SP6: variants seen among roughly 807,000 people sequenced by gnomAD.
SP6 encodes transcription factor Sp6.
SP6 carries 10 observed loss-of-function variants against 23.4 expected under a neutral mutation model. The ratio of observed to expected loss-of-function variants is 0.43; its 90% CI spans 0.26 to 0.72. The LOEUF (loss-of-function observed/expected upper bound fraction) is 0.72, where lower values mean the gene tolerates loss of function less well. Ranked by LOEUF, SP6 falls within the 30% of genes least tolerant of loss-of-function variation. The pLI is 0.23. For missense variants in SP6, 482 were observed against 523.8 expected, an observed-to-expected ratio of 0.92 and a Z score of 0.78; for synonymous variants, 238 against 238.7, an observed-to-expected ratio of 1.00 and a Z score of 0.03.
chr17:47,872,465 G>T, the SP6 span, among the ~76,000 whole-genome samples: 1 of 152,228 alleles, frequency 6.6e-6, no homozygotes, highest in Non-Finnish European at 1.5e-5. Context: ...GGCCGGGCGG[G>T]GGTGAGTAAG....
upstream of SP6, among the ~76,000 whole-genome samples, chr17:47,852,490 G>T (rs1207514935): frequency 2.0e-5 from 3 of 152,032 alleles, no homozygotes; most frequent in African/African-American, 7.3e-5. Flanking sequence ...CGTCTCCTCT[G>T]TGCGCTTTGC....
At position 47,846,571 on chromosome 17, in the gene SP6, C is replaced by A; in HGVS notation, c.*728G>T. ...TTAGAAGAGGACTTCCCTACTCGCCCCCTCCATCTATCTCGGTCCTTTATC... is the reference window on the plus strand; with the variant it reads ...TTAGAAGAGGACTTCCCTACTCGCCACCTCCATCTATCTCGGTCCTTTATC... On this transcript the variant is annotated 3_prime_UTR_variant, in exon 2 of 2. Transcript: ENST00000536300. The A allele has an allele frequency of 6.6e-6, 1 of 152,348 alleles. No homozygotes were observed. Among genetic ancestry groups the A allele is most frequent in the Non-Finnish European group, 1.5e-5 (1 of 68,032 alleles). 9.4% of individuals were successfully genotyped at this position (152,348 alleles called of 1,614,324 possible).
chr17:47,851,923 C>A (rs1184757972), upstream of SP6, among the ~76,000 whole-genome samples: 1 of 151,826 alleles, frequency 6.6e-6, no homozygotes, highest in African/African-American at 2.4e-5. Context: ...GCAGCTGTCA[C>A]TCTGCCCCTC....
the SP6 span, among the ~76,000 whole-genome samples, chr17:47,873,986 C>T: frequency 1.3e-5 from 2 of 149,142 alleles, no homozygotes; most frequent in East Asian, 2.0e-4. Context: ...CTTCTTCTTC[C>T]TCTTCCTCTT....
upstream of SP6, among the ~76,000 whole-genome samples, chr17:47,856,664 C>G (rs931633924): frequency 6.6e-6 from 1 of 152,158 alleles, no homozygotes; most frequent in Admixed American, 6.5e-5. Context: ...GGAGATGAAA[C>G]AGAAGAGTAA....
chr17:47,870,584 T>A, the SP6 span, among the ~76,000 whole-genome samples: 1 of 152,186 alleles, frequency 6.6e-6, no homozygotes, highest in Non-Finnish European at 1.5e-5. Context: ...AAGACTGACC[T>A]GTCTGGAGAC....
At chr17:47,851,707 AC>A (rs991181903), upstream of SP6, among the ~76,000 whole-genome samples, 6 of 75,494 alleles carry the variant, frequency 7.9e-5, no homozygotes, top group African/African-American at 3.1e-4. Context: ...CATTCCCCCG[AC>A]CCCCGACCCC....
upstream of SP6, among the ~76,000 whole-genome samples, chr17:47,852,892 C>A (rs1011672427): frequency 7.2e-5 from 11 of 152,152 alleles, no homozygotes; most frequent in Non-Finnish European, 1.2e-4. Flanking sequence ...GCCCAAGGGG[C>A]CCCTGGTAAG....
At chr17:47,860,387 G>T (rs2034026951), upstream of SP6, among the ~76,000 whole-genome samples, 1 of 152,198 alleles carries the variant, frequency 6.6e-6, no homozygotes, top group South Asian at 2.1e-4. Context: ...TTAGCTGTGT[G>T]CATGTGTAAG....
chr17:47,847,367 CGCCGGCCTTGCCCT>C lies in SP6; in HGVS notation c.1049_1062del (p.Glu350GlyfsTer84). On this transcript the variant is annotated frameshift_variant, in exon 2 of 2. Coordinates refer to ENST00000536300, the MANE Select transcript of SP6 (RefSeq NM_001258248.2). LOFTEE classifies it high-confidence loss of function. ...TTGCCCCCGGGGGGCTCCACTGCGC[CGCCGGCCTTGCCCT>C]CTCCCGAGGCCGCCCCAGCCGCCTC... 1 of 1,608,534 alleles carries C rather than the reference CGCCGGCCTTGCCCT, an allele frequency of 6.2e-7. No homozygotes were observed. Among genetic ancestry groups the C allele is most frequent in the Non-Finnish European group, 8.5e-7 (1 of 1,177,622 alleles).
chr17:47,856,122 G>T (rs368253232), upstream of SP6, among the ~76,000 whole-genome samples: 1 of 152,134 alleles, frequency 6.6e-6, no homozygotes, highest in East Asian at 1.9e-4. Context: ...GACCTGAAGG[G>T]CTCATGCCCC....
the SP6 span, among the ~76,000 whole-genome samples, chr17:47,863,690 T>A: frequency 6.7e-6 from 1 of 148,956 alleles, no homozygotes; most frequent in Non-Finnish European, 1.5e-5. Flanking sequence ...TGCCTCAGCC[T>A]CCCAAGTAGC....
the SP6 span, among the ~76,000 whole-genome samples, chr17:47,862,280 G>C: frequency 6.7e-6 from 1 of 149,828 alleles, no homozygotes; most frequent in African/African-American, 2.5e-5. Flanking sequence ...GGAGGCAGAG[G>C]TTGCAATGAA....
Position 47,847,358 on chromosome 17 carries a change from C to G in SP6, c.1072G>C (p.Glu358Gln). 6.2e-7 allele frequency: 1 copy of G among 1,605,234 alleles called. No individual in the cohort carries two copies. The highest frequency in any genetic ancestry group is 8.5e-7 in the Non-Finnish European group (1 of 1,176,152). ...CGTTTGCCTTTGCCCCCGGGGGGCT[C>G]CACTGCGCCGCCGGCCTTGCCCTCT... ...SGEGKAGGAV[E>Q]PPGGKGKREA... Residue 358 changes from glutamate (E) to glutamine (Q), a missense_variant, in exon 2 of 2, where the codon GAG becomes CAG. Coordinates refer to ENST00000536300, the MANE Select transcript of SP6 (RefSeq NM_001258248.2).
Position 47,848,050 on chromosome 17 carries a change from G to A in SP6, c.380C>T (p.Thr127Ile), listed in dbSNP as rs369373943. ...DGSWWDLHPG[T>I]SWMDLPHTQG... Reference sequence around the variant, plus strand: ...AGTGTGGGGGAGGTCCATCCAGCTGGTGCCCGGATGAAGGTCCCACCACGA... The same window carrying A: ...AGTGTGGGGGAGGTCCATCCAGCTGATGCCCGGATGAAGGTCCCACCACGA... Residue 127 changes from threonine (T) to isoleucine (I), a missense_variant, in exon 2 of 2, where the codon ACC (threonine) becomes ATC (isoleucine). Around this residue, in one of 3 missense-constraint regions of SP6, gnomAD observed 330 missense variants for 332.3 expected, o/e 0.99. Coordinates refer to ENST00000536300, the MANE Select transcript of SP6 (RefSeq NM_001258248.2). This position sits in a 1 kb window ranked among gnomAD's most constrained non-coding sequence, Gnocchi z 5.3. The A allele has an allele frequency of 5.6e-6, 9 of 1,612,742 alleles. No individual in the cohort carries two copies. In the African/African-American group the frequency reaches 1.1e-4, roughly 19 times the overall value.
In SP6 at chr17:47,847,264, C is replaced by T; in HGVS notation, c.*35G>A. The T allele has an allele frequency of 6.8e-7, 1 of 1,472,624 alleles. No homozygotes were observed. Among genetic ancestry groups the T allele is most frequent in the Middle Eastern group, 2.3e-4 (1 of 4,442 alleles). 91.2% of individuals were successfully genotyped at this position (1,472,624 alleles called of 1,614,324 possible). ...ACCTGGGGGCTCGCATCCAGTGCCC[C>T]CCGGGATACCCGCAGGGAGGCGGCA... On this transcript the variant is annotated 3_prime_UTR_variant, in exon 2 of 2. Transcript: ENST00000536300.
chr17:47,863,510 G>A, the SP6 span: 3 of 151,716 alleles, frequency 2.0e-5, no homozygotes, highest in Admixed American at 2.0e-4. Context: ...GGGCCCTTAA[G>A]TGGGCATAGG....
upstream of SP6, among the ~76,000 whole-genome samples, chr17:47,854,632 T>C (rs1447121200): frequency 6.6e-6 from 1 of 152,190 alleles, no homozygotes; most frequent in East Asian, 1.9e-4. Flanking sequence ...CCATCTTGAA[T>C]TGCTGAGACA....
rs1422673712 is a variant in SP6 at position 47,848,037 on chromosome 17, G to A, written c.393C>T (p.Asp131=). The change falls in exon 2 of 2, where the codon GAC becomes GAT. Residue 131 remains aspartate, a synonymous_variant. Coordinates refer to ENST00000536300, the MANE Select transcript of SP6 (RefSeq NM_001258248.2). The surrounding 1 kb of genome is among the most constrained non-coding windows in gnomAD (Gnocchi z 5.3). ...TCAGCGCGCCCTGAGTGTGGGGGAG[G>A]TCCATCCAGCTGGTGCCCGGATGAA... ...WDLHPGTSWM[D]LPHTQGALTS... is the part of the protein sequence containing the mutation. 1 of 1,612,148 alleles carries A rather than the reference G, an allele frequency of 6.2e-7. No homozygotes were observed. Among genetic ancestry groups the A allele is most frequent in the Non-Finnish European group, 8.5e-7 (1 of 1,179,538 alleles).
Sources: gnomAD v4.1 joint callset for allele counts (sites outside exome capture counted in the v4.1 genomes callset) on GRCh38, gnomAD v4.1.1 for gene constraint, gnomAD v4.1.1 regional missense constraint, Gnocchi (gnomAD v3.1) non-coding constraint, MANE v1.5 for transcripts, NCBI Gene and HGNC (gene_info 2026-07-23, HGNC 2026-07-21) for gene names.